The following UNC13B variants were observed in gnomAD, a reference collection of about 807,000 sequenced individuals.
UNC13B encodes unc-13 homolog B.
UNC13B carries 144 observed loss-of-function variants against 211.0 expected under a neutral mutation model. That is an observed-to-expected ratio of 0.68 (90% CI 0.60 to 0.78). The LOEUF (loss-of-function observed/expected upper bound fraction) is 0.78. Ranked by LOEUF, UNC13B falls within the 30% of genes least tolerant of loss-of-function variation. UNC13B has a pLI of 0.00. For missense variants in UNC13B, 1,777 were observed against 2,002.0 expected (o/e 0.89, Z 2.14); for synonymous variants, 709 against 725.8 (o/e 0.98, Z 0.37).
chr9:35,303,708 C>T lies in UNC13B; in HGVS notation c.4304C>T (p.Ala1435Val). 1 of 398,708 alleles carries T rather than the reference C, an allele frequency of 2.5e-6. No individual in the cohort carries two copies. The allele number at this position is 398,708 out of a possible 1,614,324, so 24.7% of individuals were successfully genotyped here. The change falls in exon 9 of 40, where the codon GCA becomes GTA. Residue 1435 changes from alanine (A) to valine (V), a missense_variant. By Grantham distance (64) the Ala-to-Val change is moderately conservative. Coordinates refer to ENST00000635942, the MANE Select transcript of UNC13B (RefSeq NM_001371189.2). ...CCATATGAATCATTCAATCAGTTAGCATTTAATGAAGATTACTTATTAAGA... is the reference window on the plus strand; with the variant it reads ...CCATATGAATCATTCAATCAGTTAGTATTTAATGAAGATTACTTATTAAGA... ...DLPYESFNQL[A>V]FNEDYLLRGD...
At chr9:35,403,145 C>T (rs774005496) in intron 37 of UNC13B, 22 bp from the exon 38 acceptor site, 1 of 1,608,860 alleles carries the variant, frequency 6.2e-7, no homozygotes, top group South Asian at 1.1e-5. Flanking sequence ...AATGGGGAAT[C>T]ATCTCTCCAT....
In UNC13B at chr9:35,404,530, A is replaced by C. The variant is rs1836557611; in HGVS notation, c.*497A>C. On this transcript the variant is annotated 3_prime_UTR_variant, in exon 40 of 40. Coordinates refer to ENST00000635942, the MANE Select transcript of UNC13B (RefSeq NM_001371189.2). ...GCCAGGGCAGGAGTACACAGAATAGAATTTAGACTGTCCCTTGAGTAGAAT... is the reference window on the plus strand; with the variant it reads ...GCCAGGGCAGGAGTACACAGAATAGCATTTAGACTGTCCCTTGAGTAGAAT... The C allele has an allele frequency of 5.9e-6, 1 of 170,076 alleles. No individual in the cohort carries two copies. Among genetic ancestry groups the C allele is most frequent in the African/African-American group, 2.4e-5 (1 of 41,952 alleles). The allele number at this position is 170,076 out of a possible 1,614,324, so 10.5% of individuals were successfully genotyped here. A position where few individuals can be genotyped will look rare whatever the true frequency, so the allele number is the denominator to read the frequency against.
intron 8 of UNC13B, among the ~76,000 whole-genome samples, chr9:35,299,733 C>T (rs1440497469): frequency 6.6e-6 from 1 of 152,136 alleles, no homozygotes; most frequent in African/African-American, 2.4e-5. Flanking sequence ...CTTTTTATCA[C>T]ATTGGCAATT....
chr9:35,214,382 G>A (rs1476772195), intron 1 of UNC13B, among the ~76,000 whole-genome samples: 3 of 152,000 alleles, frequency 2.0e-5, no homozygotes, highest in South Asian at 2.1e-4. Context: ...AGTGGAGATC[G>A]CACCACTGTA....
chr9:35,320,673 G>A (rs2131908507), intron 11 of UNC13B, among the ~76,000 whole-genome samples: 1 of 152,144 alleles, frequency 6.6e-6, no homozygotes, highest in East Asian at 1.9e-4. Flanking sequence ...TGTCAGTTTT[G>A]GGGTAAAGTT....
At chr9:35,181,040 C>A (rs1012663496) in intron 1 of UNC13B, among the ~76,000 whole-genome samples, 3 of 152,052 alleles carry the variant, frequency 2.0e-5, no homozygotes, top group Non-Finnish European at 2.9e-5. Flanking sequence ...GAAGGCTACA[C>A]TGAGGCTTGA....
At chr9:35,362,159 T>C (rs531576497) in intron 11 of UNC13B, 1 of 152,242 alleles carries the variant, frequency 6.6e-6, no homozygotes, top group South Asian at 2.1e-4. Context: ...AGTTAAGAGA[T>C]GATAGTGGCA....
chr9:35,236,424 T>C (rs375067799), intron 3 of UNC13B, 45 bp from the exon 4 acceptor site: 5 of 1,488,076 alleles, frequency 3.4e-6, no homozygotes, highest in Non-Finnish European at 4.7e-6. Flanking sequence ...GTTGTTTCTT[T>C]CATATTGTCT....
intron 7 of UNC13B, among the ~76,000 whole-genome samples, chr9:35,266,338 A>T (rs1336865921): frequency 6.6e-6 from 1 of 152,158 alleles, no homozygotes; most frequent in South Asian, 2.1e-4. Flanking sequence ...GCGGCCATTT[A>T]TAAGATGTTT....
intron 1 of UNC13B, among the ~76,000 whole-genome samples, chr9:35,167,732 T>C (rs1218581838): frequency 1.3e-5 from 2 of 150,020 alleles, no homozygotes; most frequent in Non-Finnish European, 3.0e-5. Flanking sequence ...GGATTACAGG[T>C]GCCTGCCACC....
intron 1 of UNC13B, among the ~76,000 whole-genome samples, chr9:35,213,640 T>C (rs185576686): frequency 1.3e-5 from 2 of 152,226 alleles, no homozygotes; most frequent in Admixed American, 1.3e-4. Flanking sequence ...AAAGCTAGGA[T>C]TCTCAAAGGG....
chr9:35,314,692 G>A (rs912976635), intron 11 of UNC13B, among the ~76,000 whole-genome samples: 25 of 151,400 alleles, frequency 1.7e-4, no homozygotes, highest in African/African-American at 5.1e-4. Context: ...TTCCTTACCC[G>A]CTTCCACCCT....
At chr9:35,356,798 A>G (rs1328508705) in intron 11 of UNC13B, among the ~76,000 whole-genome samples, 1 of 152,126 alleles carries the variant, frequency 6.6e-6, no homozygotes, top group East Asian at 1.9e-4. Flanking sequence ...TCTGGCAACC[A>G]TTAATTTACT....
intron 6 of UNC13B, among the ~76,000 whole-genome samples, chr9:35,245,711 T>C (rs1413210041): frequency 1.3e-5 from 2 of 152,094 alleles, no homozygotes; most frequent in African/African-American, 4.8e-5. Flanking sequence ...TAGTATTCCA[T>C]GGTGTATATG....
chr9:35,217,363 C>T (rs974686530), intron 1 of UNC13B, among the ~76,000 whole-genome samples: 6 of 151,686 alleles, frequency 4.0e-5, no homozygotes, highest in East Asian at 1.9e-4. Flanking sequence ...TACAAGGATG[C>T]CTACTATCAT....
intron 6 of UNC13B, among the ~76,000 whole-genome samples, chr9:35,252,925 G>A (rs1826597058): frequency 6.7e-6 from 1 of 148,900 alleles, no homozygotes; most frequent in African/African-American, 2.4e-5. Context: ...GCGAGACTCT[G>A]TCTCAAAAGA....
intron 1 of UNC13B, among the ~76,000 whole-genome samples, chr9:35,169,087 A>G (rs1821202121): frequency 2.0e-5 from 3 of 152,212 alleles, no homozygotes; most frequent in Admixed American, 6.5e-5. Context: ...GAGGTGGCTC[A>G]TGCCTGTAAT....
intron 14 of UNC13B, 56 bp downstream of exon 14, chr9:35,375,257 C>G: frequency 6.4e-7 from 1 of 1,555,572 alleles, no homozygotes; most frequent in South Asian, 1.1e-5. Context: ...GTGATCATCT[C>G]TGTAGCCATG....
At chr9:35,280,999 G>T (rs539257932) in intron 7 of UNC13B, among the ~76,000 whole-genome samples, 1 of 151,982 alleles carries the variant, frequency 6.6e-6, no homozygotes, top group Admixed American at 6.6e-5. Flanking sequence ...TCTTGTTATA[G>T]GTTTCATTGG....
Sources: gnomAD v4.1 joint callset for allele counts (sites outside exome capture counted in the v4.1 genomes callset) on GRCh38, gnomAD v4.1.1 for gene constraint, MANE v1.5 for transcripts, NCBI Gene and HGNC (gene_info 2026-07-23, HGNC 2026-07-21) for gene names.